Variants in KLHL29 observed in about 807,000 individuals in gnomAD.
KLHL29 encodes kelch like family member 29.
A neutral mutation model predicts 80.4 loss-of-function variants in KLHL29; 21 were observed. The ratio of observed to expected loss-of-function variants is 0.26; its 90% CI spans 0.19 to 0.38. The LOEUF is 0.38. Among genes scored for constraint, KLHL29 ranks in the 10% least tolerant of loss-of-function variants. KLHL29 has a pLI of 1.00. For synonymous variants in KLHL29, 511 were observed against 526.8 expected, an observed-to-expected ratio of 0.97 and a Z score of 0.41; for missense variants, 867 against 1,223.9, an observed-to-expected ratio of 0.71 and a Z score of 4.35.
chr2:23,637,708 C>A (rs558621249), intron 3 of KLHL29, among the ~76,000 whole-genome samples: 1 of 152,184 alleles, frequency 6.6e-6, no homozygotes, highest in East Asian at 1.9e-4. Flanking sequence ...ATCCACACCC[C>A]CTTTCTGTCC....
chr2:23,530,642 C>T (rs765734528), intron 2 of KLHL29, among the ~76,000 whole-genome samples: 9 of 152,176 alleles, frequency 5.9e-5, no homozygotes, highest in Non-Finnish European at 1.3e-4. Context: ...TTTTTCAATG[C>T]AGTAAGTAGC....
intron 2 of KLHL29, among the ~76,000 whole-genome samples, chr2:23,545,722 AG>A (rs1324600639): frequency 6.6e-6 from 1 of 152,170 alleles, no homozygotes; most frequent in Non-Finnish European, 1.5e-5. Flanking sequence ...TTTCCTTTGT[AG>A]CCAGGGAGTG....
intron 3 of KLHL29, among the ~76,000 whole-genome samples, chr2:23,565,457 G>C (rs1667565150): frequency 6.6e-6 from 1 of 152,340 alleles, no homozygotes; most frequent in African/African-American, 2.4e-5. Context: ...GGAAAGGAAA[G>C]AGCATCTCAA....
chr2:23,521,118 C>A (rs1462636133), intron 2 of KLHL29, among the ~76,000 whole-genome samples: 1 of 151,784 alleles, frequency 6.6e-6, no homozygotes. Context: ...ATTCCTGTAT[C>A]CGTCTATCTG....
intron 5 of KLHL29, 111 bp downstream of exon 5, chr2:23,642,961 C>T (rs368630771): frequency 1.6e-6 from 2 of 1,263,994 alleles, no homozygotes; most frequent in East Asian, 5.0e-5. Flanking sequence ...CTTCACTGGC[C>T]TCCCCAACCC....
chr2:23,454,217 G>A (rs1663973001), intron 1 of KLHL29, among the ~76,000 whole-genome samples: 1 of 152,104 alleles, frequency 6.6e-6, no homozygotes, highest in South Asian at 2.1e-4. Flanking sequence ...AGAAAGCTGG[G>A]CCCCTGACCC....
chr2:23,568,111 C>T (rs1027155501), intron 3 of KLHL29, among the ~76,000 whole-genome samples: 3 of 151,988 alleles, frequency 2.0e-5, no homozygotes, highest in South Asian at 4.2e-4. Flanking sequence ...CTGAGTGGCC[C>T]GAACTTAAAT....
At chr2:23,413,236 A>C (rs1666907502) in intron 1 of KLHL29, among the ~76,000 whole-genome samples, 1 of 152,156 alleles carries the variant, frequency 6.6e-6, no homozygotes. Context: ...TTTGTACTGA[A>C]GATAATTCTT....
intron 2 of KLHL29, among the ~76,000 whole-genome samples, chr2:23,498,791 G>A (rs541273799): frequency 4.6e-5 from 7 of 152,304 alleles, no homozygotes; most frequent in African/African-American, 7.2e-5. Flanking sequence ...TCACATTGAC[G>A]AGTAGCTACC....
intron 3 of KLHL29, among the ~76,000 whole-genome samples, chr2:23,593,693 C>T (rs1668324623): frequency 6.6e-6 from 1 of 152,220 alleles, no homozygotes; most frequent in African/African-American, 2.4e-5. Context: ...TGTGCCTTGA[C>T]ACCTAAAACC....
intron 1 of KLHL29, among the ~76,000 whole-genome samples, chr2:23,421,359 C>T (rs1476954967): frequency 6.6e-6 from 1 of 152,200 alleles, no homozygotes; most frequent in Non-Finnish European, 1.5e-5. Flanking sequence ...GCTGGGGGCC[C>T]AGTAGGGCCT....
At chr2:23,703,895 G>C in intron 13 of KLHL29, 32 bp downstream of exon 13, 28 of 1,523,244 alleles carry the variant, frequency 1.8e-5, no homozygotes, top group Non-Finnish European at 2.4e-5. Context: ...ACTAGGGCTG[G>C]GACGGAGGAG....
chr2:23,520,957 C>T (rs1434834935), intron 2 of KLHL29, among the ~76,000 whole-genome samples: 2 of 150,984 alleles, frequency 1.3e-5, no homozygotes, highest in Non-Finnish European at 1.5e-5. Flanking sequence ...CCTCCATATA[C>T]AAATTCTGAT....
intron 3 of KLHL29, among the ~76,000 whole-genome samples, chr2:23,605,448 A>G (rs1359726214): frequency 6.6e-6 from 1 of 152,088 alleles, no homozygotes; most frequent in Non-Finnish European, 1.5e-5. Flanking sequence ...TCACAGCTGA[A>G]GGAGGCTTCA....
chr2:23,437,677 T>G (rs1043746351), intron 1 of KLHL29, among the ~76,000 whole-genome samples: 1 of 152,218 alleles, frequency 6.6e-6, no homozygotes, highest in African/African-American at 2.4e-5. Context: ...ATATCTCTGT[T>G]TTGGTACCAG....
chr2:23,597,309 ATGTGTGTGTGTGTG>A (rs1217422868), intron 3 of KLHL29, among the ~76,000 whole-genome samples: 3 of 100,522 alleles, frequency 3.0e-5, no homozygotes, highest in Non-Finnish European at 5.5e-5. Flanking sequence ...ATATATATAT[ATGTGTGTGTGTGTG>A]TGTGTGTGTG....
At chr2:23,440,921 C>G (rs940721809) in intron 1 of KLHL29, among the ~76,000 whole-genome samples, 1 of 152,198 alleles carries the variant, frequency 6.6e-6, no homozygotes, top group Non-Finnish European at 1.5e-5. Context: ...GTCAGTGTGG[C>G]AATTCCTCAG....
chr2:23,488,051 T>TCAC (rs1167304270), intron 2 of KLHL29, among the ~76,000 whole-genome samples: 6 of 152,046 alleles, frequency 3.9e-5, no homozygotes, highest in African/African-American at 1.4e-4. Context: ...AGACAATGGG[T>TCAC]CACTTGCTGC....
At chr2:23,538,444 G>A (rs1368202375) in intron 2 of KLHL29, among the ~76,000 whole-genome samples, 1 of 152,122 alleles carries the variant, frequency 6.6e-6, no homozygotes, top group East Asian at 1.9e-4. Flanking sequence ...AAAGCTTTTG[G>A]CCTAGACCCT....
Sources: gnomAD v4.1 joint callset for allele counts (sites outside exome capture counted in the v4.1 genomes callset) on GRCh38, gnomAD v4.1.1 for gene constraint, MANE v1.5 for transcripts, NCBI Gene and HGNC (gene_info 2026-07-23, HGNC 2026-07-21) for gene names.